The following CUX2 variants were observed in gnomAD, a reference collection of about 807,000 sequenced individuals.
CUX2 encodes the protein cut like homeobox 2.
In CUX2, 40 loss-of-function variants were observed where a neutral mutation model predicts 144.8. That is an observed-to-expected ratio of 0.28 (90% confidence interval 0.21 to 0.36). The LOEUF is 0.36. Ranked by LOEUF, CUX2 falls within the 10% of genes least tolerant of loss-of-function variation. The probability of loss-of-function intolerance (pLI) is 1.00; values close to 1 mark genes in which losing one functional copy is unlikely to be tolerated. For synonymous variants in CUX2, 827 were observed against 875.6 expected (o/e 0.94, Z 0.98); for missense variants, 1,615 against 1,994.0 (o/e 0.81, Z 3.62).
At chr12:111,132,204 T>C (rs914700871) in intron 1 of CUX2, among the ~76,000 whole-genome samples, 6 of 152,232 alleles carry the variant, frequency 3.9e-5, no homozygotes, top group Non-Finnish European at 7.3e-5. Context: ...TTGGGGCTTC[T>C]GCCCTCTGAA....
chr12:111,128,796 C>T (rs1875253566), intron 1 of CUX2, among the ~76,000 whole-genome samples: 1 of 152,228 alleles, frequency 6.6e-6, no homozygotes, highest in East Asian at 1.9e-4. Context: ...CTGTCGAAGA[C>T]TCCAGATAGC....
At chr12:111,346,059 C>A (rs1487312924) in intron 21 of CUX2, among the ~76,000 whole-genome samples, 2 of 146,364 alleles carry the variant, frequency 1.4e-5, no homozygotes, top group African/African-American at 5.0e-5. Flanking sequence ...GAGCCGAGAT[C>A]GTGCCCCCAC....
rs1869417628 is a variant in CUX2 at position 111,035,846 on chromosome 12, G to C, written c.63+1606G>C. On this transcript the variant is annotated intron_variant, in intron 1 of 21. Coordinates refer to ENST00000261726, the MANE Select transcript of CUX2 (RefSeq NM_015267.4). This position sits in a 1 kb window ranked among gnomAD's most constrained non-coding sequence, Gnocchi z 6.0. ...CTTGCAATTCCGGGTCCGCACTCGA[G>C]TTGGGGCTACAGTTTGGTGGCCAAC... is the stretch of plus-strand genomic sequence containing the variant. Among the ~76,000 whole-genome samples, 1 of 152,110 alleles carries C rather than the reference G, an allele frequency of 6.6e-6. No individual in the cohort carries two copies. Among genetic ancestry groups the C allele is most frequent in the Non-Finnish European group, 1.5e-5 (1 of 68,034 alleles).
At chr12:111,118,865 G>T (rs1429387141) in intron 1 of CUX2, among the ~76,000 whole-genome samples, 1 of 152,124 alleles carries the variant, frequency 6.6e-6, no homozygotes. Flanking sequence ...CTGGCTTTTG[G>T]GATTTTTTCT....
chr12:111,290,211 A>G (rs1350430372), intron 4 of CUX2, among the ~76,000 whole-genome samples: 1 of 152,158 alleles, frequency 6.6e-6, no homozygotes, highest in Non-Finnish European at 1.5e-5. Context: ...AAGAAAATAC[A>G]AAAATTAGCT....
intron 4 of CUX2, among the ~76,000 whole-genome samples, chr12:111,279,438 C>G (rs1885020321): frequency 6.6e-6 from 1 of 152,172 alleles, no homozygotes. Context: ...TAAATGTGGC[C>G]TCATTTGGAA....
At chr12:111,047,349 T>A (rs969223683) in intron 1 of CUX2, among the ~76,000 whole-genome samples, 1 of 152,178 alleles carries the variant, frequency 6.6e-6, no homozygotes, top group Non-Finnish European at 1.5e-5. Context: ...AAAAGTTTTT[T>A]AGATTTTTTT....
intron 1 of CUX2, among the ~76,000 whole-genome samples, chr12:111,082,483 A>C (rs954301505): frequency 3.3e-5 from 5 of 152,158 alleles, no homozygotes; most frequent in Admixed American, 1.3e-4. Flanking sequence ...GTGCTGGGCA[A>C]GTGTCCGAAA....
At chr12:111,231,258 A>T (rs1294874290) in intron 3 of CUX2, among the ~76,000 whole-genome samples, 1 of 151,482 alleles carries the variant, frequency 6.6e-6, no homozygotes, top group African/African-American at 2.4e-5. Flanking sequence ...GTCCCTATGC[A>T]TTTGACTACT....
At position 111,320,774 on chromosome 12, in the gene CUX2, A is replaced by G; in HGVS notation, c.2765A>G (p.Lys922Arg). 6.5e-7 allele frequency: 1 copy of G among 1,548,624 alleles called. No individual in the cohort carries two copies. The highest frequency in any genetic ancestry group is 1.8e-5 in the Admixed American group (1 of 55,300). Reference protein sequence around the residue: ...NGICQRIFGEKVLGLSQGSVS... With the variant: ...NGICQRIFGERVLGLSQGSVS... ...ATCTGCCAGAGGATCTTCGGGGAGA[A>G]GGTGAGTGCAGGGCGGGCCCCCGGT... Residue 922 changes from lysine to arginine, a missense_variant and splice_region_variant, in exon 17 of 22, where the codon AAG becomes AGG. Around this residue, in one of 12 missense-constraint regions of CUX2, gnomAD observed 17 missense variants for 68.7 expected, o/e 0.25. Coordinates refer to ENST00000261726, the MANE Select transcript of CUX2 (RefSeq NM_015267.4). This position sits in a 1 kb window ranked among gnomAD's most constrained non-coding sequence, Gnocchi z 8.1.
intron 3 of CUX2, among the ~76,000 whole-genome samples, chr12:111,259,690 C>T (rs1454395221): frequency 6.6e-6 from 1 of 151,466 alleles, no homozygotes; most frequent in Non-Finnish European, 1.5e-5. Flanking sequence ...ATGTTGAAAC[C>T]CCGTCTCTAC....
chr12:111,324,363 AAAAG>A (rs61206703), intron 18 of CUX2, among the ~76,000 whole-genome samples: 36,275 of 145,594 alleles, frequency 0.25, 6,640 homozygotes, highest in East Asian at 0.77. Context: ...AAAAAAAAAA[AAAAG>A]AAAGAAAGAA....
chr12:111,285,061 G>C (rs1444762784), intron 4 of CUX2, among the ~76,000 whole-genome samples: 2 of 152,134 alleles, frequency 1.3e-5, no homozygotes, highest in Admixed American at 6.5e-5. Context: ...ACCTGGCCCT[G>C]CACCCTCCTG....
At chr12:111,162,300 G>T (rs1161841768) in intron 1 of CUX2, among the ~76,000 whole-genome samples, 1 of 152,238 alleles carries the variant, frequency 6.6e-6, no homozygotes. Context: ...GACTGCCACG[G>T]GTGGGAGGTG....
intron 4 of CUX2, among the ~76,000 whole-genome samples, chr12:111,267,195 C>CAAAAAAAAA (rs11290695): frequency 9.1e-5 from 6 of 66,298 alleles, no homozygotes; most frequent in South Asian, 4.8e-4. Context: ...AAGACCCTGT[C>CAAAAAAAAA]AAAAAAAAAA....
intron 1 of CUX2, among the ~76,000 whole-genome samples, chr12:111,182,065 A>C (rs1430444105): frequency 6.6e-6 from 1 of 152,166 alleles, no homozygotes; most frequent in African/African-American, 2.4e-5. Context: ...TTGTTTAAAA[A>C]TGTGCAAAGG....
At chr12:111,256,036 C>A (rs1210609596) in intron 3 of CUX2, among the ~76,000 whole-genome samples, 1 of 152,096 alleles carries the variant, frequency 6.6e-6, no homozygotes, top group Non-Finnish European at 1.5e-5. Context: ...CCACCCAGAC[C>A]CCAAAGCACC....
At chr12:111,280,331 C>T (rs1885065361) in intron 4 of CUX2, among the ~76,000 whole-genome samples, 1 of 152,106 alleles carries the variant, frequency 6.6e-6, no homozygotes, top group Non-Finnish European at 1.5e-5. Flanking sequence ...CAGAAGGTCA[C>T]ATGACAACGA....
At chr12:111,223,221 C>T (rs1429501115) in intron 3 of CUX2, among the ~76,000 whole-genome samples, 1 of 152,014 alleles carries the variant, frequency 6.6e-6, no homozygotes, top group Admixed American at 6.5e-5. Flanking sequence ...CCTAGGATTC[C>T]GCATGGAATC....
Sources: allele counts gnomAD v4.1 joint callset (sites outside exome capture counted in the v4.1 genomes callset), GRCh38; gene constraint gnomAD v4.1.1; regional missense constraint gnomAD v4.1.1; non-coding constraint Gnocchi (gnomAD v3.1); transcripts MANE v1.5; gene names NCBI Gene and HGNC (gene_info 2026-07-23, HGNC 2026-07-21).